SAMD4A: variants seen among roughly 807,000 people sequenced by gnomAD.
The protein encoded by SAMD4A is sterile alpha motif domain containing 4A, also known as protein Smaug homolog 1.
A neutral mutation model predicts 81.3 loss-of-function variants in SAMD4A; 33 were observed. That is an observed-to-expected ratio of 0.41 (90% CI 0.31 to 0.54). The LOEUF (loss-of-function observed/expected upper bound fraction) is 0.54, where lower values mean the gene tolerates loss of function less well. Among genes scored for constraint, SAMD4A ranks in the 20% least tolerant of loss-of-function variants. SAMD4A has a pLI of 0.37. For synonymous variants in SAMD4A, 389 were observed against 382.1 expected, an observed-to-expected ratio of 1.02 and a Z score of -0.21; for missense variants, 854 against 951.1, an observed-to-expected ratio of 0.90 and a Z score of 1.34.
At chr14:54,638,386 A>G (rs1379500315) in intron 2 of SAMD4A, among the ~76,000 whole-genome samples, 2 of 152,222 alleles carry the variant, frequency 1.3e-5, no homozygotes, top group Non-Finnish European at 2.9e-5. Context: ...GCGTGCATTA[A>G]TATTTCCTTG....
rs2037405556 is a variant in SAMD4A, at chr14:54,725,951, C to T, written c.716-11073C>T. On this transcript the variant is annotated intron_variant, in intron 3 of 12. Coordinates refer to ENST00000554335, the MANE Select transcript of SAMD4A (RefSeq NM_015589.6). ...GCGTATGTAGTTAGAGCATCTTAAC[C>T]TTGAATGTACATACAAATCTCCTAG... 2.6e-5 allele frequency among the ~76,000 whole-genome samples: 4 copies of T among 152,302 alleles called. 1 individual carries two copies. The highest frequency in any genetic ancestry group is 9.6e-5 in the African/African-American group (4 of 41,580).
At chr14:54,683,692 C>T (rs750932744) in intron 2 of SAMD4A, among the ~76,000 whole-genome samples, 5 of 152,164 alleles carry the variant, frequency 3.3e-5, no homozygotes, top group Non-Finnish European at 7.3e-5. Context: ...TTAAGGTGAT[C>T]ATTTGAGCCA....
chr14:54,702,725 T>G (rs930944530), intron 3 of SAMD4A, 145 bp downstream of exon 3: 23 of 941,778 alleles, frequency 2.4e-5, no homozygotes, highest in Non-Finnish European at 3.7e-5. Flanking sequence ...AAAGGTCCTT[T>G]GGACCCCATA....
chr14:54,727,986 T>A (rs921814434), intron 3 of SAMD4A, among the ~76,000 whole-genome samples: 4 of 152,156 alleles, frequency 2.6e-5, no homozygotes, highest in South Asian at 4.2e-4. Context: ...GCTGCTGGGG[T>A]CTGTAGCTCC....
At chr14:54,616,107 C>A (rs2034484606) in intron 2 of SAMD4A, among the ~76,000 whole-genome samples, 2 of 152,164 alleles carry the variant, frequency 1.3e-5, no homozygotes, top group East Asian at 3.8e-4. Flanking sequence ...AGGCAAATAG[C>A]TTCCTCTATT....
intron 2 of SAMD4A, among the ~76,000 whole-genome samples, chr14:54,583,346 C>G (rs1300777214): frequency 6.6e-6 from 1 of 151,960 alleles, no homozygotes; most frequent in African/African-American, 2.4e-5. Flanking sequence ...AACTAGGGGT[C>G]CTATAGTTGT....
intron 2 of SAMD4A, among the ~76,000 whole-genome samples, chr14:54,587,941 G>A (rs1262028591): frequency 1.3e-5 from 2 of 152,098 alleles, no homozygotes; most frequent in African/African-American, 4.8e-5. Flanking sequence ...CTATCTTTTG[G>A]AATAGTGTCA....
At chr14:54,638,650 C>T (rs1480057760) in intron 2 of SAMD4A, among the ~76,000 whole-genome samples, 1 of 152,178 alleles carries the variant, frequency 6.6e-6, no homozygotes, top group African/African-American at 2.4e-5. Context: ...GTTTCTGTTG[C>T]TATTTTTTGA....
Position 54,791,883 on chromosome 14 carries a change from A to G in SAMD4A, c.*2939A>G, listed in dbSNP as rs1209921271. ...GTATTTACCCATTGACCCCCACCAAATGCAACTGTTTTATATTAAGAAAAT... is the reference window on the plus strand; with the variant it reads ...GTATTTACCCATTGACCCCCACCAAGTGCAACTGTTTTATATTAAGAAAAT... On this transcript the variant is annotated 3_prime_UTR_variant, in exon 13 of 13. Transcript: ENST00000554335. 1.3e-5 allele frequency: 2 copies of G among 152,218 alleles called. No homozygotes were observed. The highest frequency in any genetic ancestry group is 2.9e-5 in the Non-Finnish European group (2 of 68,030). 9.4% of individuals were successfully genotyped at this position (152,218 alleles called of 1,614,324 possible). A position where few individuals can be genotyped will look rare whatever the true frequency, so the allele number is the denominator to read the frequency against.
intron 9 of SAMD4A, among the ~76,000 whole-genome samples, chr14:54,774,271 A>T (rs1360127961): frequency 6.6e-6 from 1 of 152,232 alleles, no homozygotes. Context: ...CACCTACTTC[A>T]TAGGGTTGTT....
chr14:54,567,908 C>T lies in SAMD4A; in HGVS notation c.-9C>T. Reference sequence around the variant, plus strand: ...GGGGGCTCTGTAGACCGAGGGCGGCCCCCTAACCATGATGTTTCGCGACCA... The same window carrying T: ...GGGGGCTCTGTAGACCGAGGGCGGCTCCCTAACCATGATGTTTCGCGACCA... On this transcript the variant is annotated 5_prime_UTR_variant, in exon 2 of 13. Transcript: ENST00000554335. 1 of 1,604,538 alleles carries T rather than the reference C, an allele frequency of 6.2e-7. No homozygotes were observed.
chr14:54,778,620 T>A (rs944268361), intron 11 of SAMD4A, among the ~76,000 whole-genome samples: 1 of 148,254 alleles, frequency 6.7e-6, no homozygotes, highest in Non-Finnish European at 1.5e-5. Flanking sequence ...CTTTGAGTGT[T>A]TTTTTTAAAA....
intron 2 of SAMD4A, among the ~76,000 whole-genome samples, chr14:54,576,083 G>A (rs1337411740): frequency 7.3e-6 from 1 of 136,160 alleles, no homozygotes; most frequent in African/African-American, 2.9e-5. Context: ...GAGCAGGAAT[G>A]TTCATTCCAG....
intron 2 of SAMD4A, among the ~76,000 whole-genome samples, chr14:54,643,493 C>T (rs2035219264): frequency 6.6e-6 from 1 of 152,244 alleles, no homozygotes; most frequent in Admixed American, 6.5e-5. Context: ...AGGAGGTCTC[C>T]TAGGCCCGGA....
chr14:54,632,117 C>T (rs184411825), intron 2 of SAMD4A, among the ~76,000 whole-genome samples: 2 of 152,250 alleles, frequency 1.3e-5, no homozygotes, highest in East Asian at 3.9e-4. Context: ...CCCCACACTA[C>T]CACAGCCCCA....
At chr14:54,711,278 C>T (rs576307782) in intron 3 of SAMD4A, among the ~76,000 whole-genome samples, 1 of 152,282 alleles carries the variant, frequency 6.6e-6, no homozygotes, top group African/African-American at 2.4e-5. Context: ...TCCTTTTTGA[C>T]TTATTTGACC....
intron 8 of SAMD4A, among the ~76,000 whole-genome samples, chr14:54,765,211 C>CT (rs1315943226): frequency 2.0e-5 from 3 of 152,124 alleles, no homozygotes; most frequent in Non-Finnish European, 4.4e-5. Flanking sequence ...CCAGTGGCTC[C>CT]TTGGGCACCC....
At chr14:54,771,495 C>T (rs768167850) in intron 9 of SAMD4A, among the ~76,000 whole-genome samples, 13 of 152,112 alleles carry the variant, frequency 8.5e-5, no homozygotes, top group African/African-American at 1.7e-4. Flanking sequence ...TCAGGCAAAG[C>T]GACACTCTTC....
In SAMD4A at chr14:54,707,434, C is replaced by T. The variant is rs943355986; in HGVS notation, c.715+4854C>T. On this transcript the variant is annotated intron_variant, in intron 3 of 12. Transcript: ENST00000554335. ...TACATTATTGATTTACTCATTTTTT[C>T]ATTCACCTAGAAAATGTTTATTGAG... 2.0e-5 allele frequency among the ~76,000 whole-genome samples: 3 copies of T among 152,000 alleles called. No homozygotes were observed. In the East Asian group the frequency reaches 5.8e-4, roughly 29 times the overall value.
Sources: gnomAD v4.1 joint callset for allele counts (sites outside exome capture counted in the v4.1 genomes callset) on GRCh38, gnomAD v4.1.1 for gene constraint, MANE v1.5 for transcripts, NCBI Gene and HGNC (gene_info 2026-07-23, HGNC 2026-07-21) for gene names.